RBFOX1: variants seen among roughly 807,000 people sequenced by gnomAD.
The protein encoded by RBFOX1 is RNA binding protein fox-1 homolog 1.
In RBFOX1, 8 loss-of-function variants were observed where a neutral mutation model predicts 57.7. The observed-to-expected ratio is 0.14, with a 90% CI of 0.08 to 0.25. The LOEUF is 0.25. Ranked by LOEUF, RBFOX1 falls within the 10% of genes least tolerant of loss-of-function variation. The probability of loss-of-function intolerance (pLI) is 1.00; values close to 1 mark genes in which losing one functional copy is unlikely to be tolerated. For synonymous variants in RBFOX1, 326 were observed against 222.4 expected, an observed-to-expected ratio of 1.47 and a Z score of -4.15; for missense variants, 611 against 548.5, an observed-to-expected ratio of 1.11 and a Z score of -1.14.
intron 4 of RBFOX1, among the ~76,000 whole-genome samples, chr16:7,279,665 C>T (rs1441883950): frequency 1.3e-5 from 2 of 152,204 alleles, no homozygotes; most frequent in African/African-American, 4.8e-5. Context: ...ATCAGGCTAT[C>T]TATGGTCACA....
chr16:6,558,970 C>T (rs140785963), intron 2 of RBFOX1, among the ~76,000 whole-genome samples: 1 of 152,140 alleles, frequency 6.6e-6, no homozygotes, highest in Non-Finnish European at 1.5e-5. Context: ...TCACTCTCTA[C>T]TCAAAAATGC....
intron 3 of RBFOX1, among the ~76,000 whole-genome samples, chr16:5,813,483 G>T (rs2151785156): frequency 6.6e-6 from 1 of 152,224 alleles, no homozygotes; most frequent in Non-Finnish European, 1.5e-5. Flanking sequence ...GCCATAAAGG[G>T]AATGAAGCAC....
At chr16:6,214,045 G>A (rs1416367714) in intron 1 of RBFOX1, among the ~76,000 whole-genome samples, 1 of 152,172 alleles carries the variant, frequency 6.6e-6, no homozygotes, top group African/African-American at 2.4e-5. Context: ...TCTGTCAGAT[G>A]TCCCACCCAT....
At chr16:7,229,305 GC>G (rs1194039510) in intron 4 of RBFOX1, among the ~76,000 whole-genome samples, 1 of 152,076 alleles carries the variant, frequency 6.6e-6, no homozygotes, top group African/African-American at 2.4e-5. Flanking sequence ...CCCTGAGATG[GC>G]CCAAATTTCC....
intron 3 of RBFOX1, among the ~76,000 whole-genome samples, chr16:7,042,934 A>C (rs2046656341): frequency 6.6e-6 from 1 of 152,224 alleles, no homozygotes; most frequent in Non-Finnish European, 1.5e-5. Context: ...TCAAAAATAA[A>C]TAAATAAATA....
chr16:5,767,086 C>G (rs1057342042), intron 3 of RBFOX1, among the ~76,000 whole-genome samples: 5 of 152,248 alleles, frequency 3.3e-5, no homozygotes, highest in African/African-American at 4.8e-5. Flanking sequence ...CCCTTTAAGA[C>G]AGAAACCGTG....
intron 4 of RBFOX1, among the ~76,000 whole-genome samples, chr16:5,936,312 T>C (rs1597861098): frequency 6.6e-6 from 1 of 152,100 alleles, no homozygotes; most frequent in Non-Finnish European, 1.5e-5. Flanking sequence ...TTAGTAGAGA[T>C]GGGGTTTCAC....
At chr16:6,604,206 A>G (rs2097894674) in intron 2 of RBFOX1, among the ~76,000 whole-genome samples, 1 of 152,144 alleles carries the variant, frequency 6.6e-6, no homozygotes. Flanking sequence ...TACTGGGGAA[A>G]AAAAAAAGAA....
chr16:5,943,552 A>C (rs901900687), intron 4 of RBFOX1, among the ~76,000 whole-genome samples: 2 of 152,200 alleles, frequency 1.3e-5, no homozygotes, highest in African/African-American at 4.8e-5. Context: ...AAGACACAGC[A>C]CTGGGAGACC....
At chr16:6,221,229 T>C (rs2097371323) in intron 1 of RBFOX1, among the ~76,000 whole-genome samples, 1 of 152,228 alleles carries the variant, frequency 6.6e-6, no homozygotes, top group South Asian at 2.1e-4. Context: ...GCAATGCATA[T>C]AAATGCTAGT....
At chr16:7,279,830 G>A (rs966347696) in intron 4 of RBFOX1, among the ~76,000 whole-genome samples, 10 of 152,194 alleles carry the variant, frequency 6.6e-5, no homozygotes, top group African/African-American at 2.4e-4. Flanking sequence ...AAATGGCCAA[G>A]CTTTCTATCC....
intron 4 of RBFOX1, among the ~76,000 whole-genome samples, chr16:5,979,574 A>T (rs1294344734): frequency 2.0e-5 from 3 of 152,196 alleles, no homozygotes; most frequent in African/African-American, 7.2e-5. Context: ...AGAAATTAAA[A>T]TGCAGCTGGC....
intron 4 of RBFOX1, among the ~76,000 whole-genome samples, chr16:7,487,433 T>A (rs1346858998): frequency 1.3e-5 from 2 of 152,178 alleles, no homozygotes; most frequent in Non-Finnish European, 2.9e-5. Context: ...AGTTGAGAAA[T>A]TCATCTTGTT....
intron 1 of RBFOX1, among the ~76,000 whole-genome samples, chr16:6,308,237 A>G (rs1471776618): frequency 2.6e-5 from 4 of 152,184 alleles, no homozygotes; most frequent in African/African-American, 9.6e-5. Context: ...TGCACATCCT[A>G]TAAATGATCA....
At chr16:6,617,103 C>T (rs893606826) in intron 2 of RBFOX1, among the ~76,000 whole-genome samples, 11 of 151,960 alleles carry the variant, frequency 7.2e-5, no homozygotes, top group African/African-American at 2.4e-4. Context: ...TGGCCCACCA[C>T]GAAGAGTTTT....
intron 4 of RBFOX1, among the ~76,000 whole-genome samples, chr16:7,251,113 C>G (rs2094484817): frequency 6.6e-6 from 1 of 152,076 alleles, no homozygotes; most frequent in African/African-American, 2.4e-5. Flanking sequence ...GAAACTATTC[C>G]TCCTATCTAA....
intron 7 of RBFOX1, among the ~76,000 whole-genome samples, chr16:7,589,912 G>GGTGTGTGT (rs3029164): frequency 0.11 from 14,798 of 134,858 alleles, 1,008 homozygotes; most frequent in Admixed American, 0.14. Context: ...GTGTGTGCTG[G>GGTGTGTGT]GTGTGTGTGT....
At chr16:7,097,394 A>T (rs1233072318) in intron 4 of RBFOX1, among the ~76,000 whole-genome samples, 1 of 152,130 alleles carries the variant, frequency 6.6e-6, no homozygotes, top group East Asian at 1.9e-4. Context: ...CATCAACCCC[A>T]GTATCAAAGA....
chr16:7,549,241 C>T (rs2085575439), intron 5 of RBFOX1, among the ~76,000 whole-genome samples: 2 of 152,136 alleles, frequency 1.3e-5, no homozygotes, highest in African/African-American at 2.4e-5. Flanking sequence ...TTCACTAGCC[C>T]CCAATTTGGA....
Sources: gnomAD v4.1 joint callset for allele counts (sites outside exome capture counted in the v4.1 genomes callset) on GRCh38, gnomAD v4.1.1 for gene constraint, MANE v1.5 for transcripts, NCBI Gene and HGNC (gene_info 2026-07-23, HGNC 2026-07-21) for gene names.